The following LRCH2 variants were observed in gnomAD, a reference collection of about 807,000 sequenced individuals.
LRCH2 encodes leucine-rich repeat and calponin homology domain-containing protein 2.
LRCH2 carries 38 observed loss-of-function variants against 68.9 expected under a neutral mutation model. That is an observed-to-expected ratio of 0.55 (90% CI 0.43 to 0.72). The LOEUF is 0.72. LRCH2 is among the 30% of genes least tolerant of loss of function. The pLI is 0.00. For synonymous variants in LRCH2, 191 were observed against 208.1 expected (o/e 0.92, Z 0.71); for missense variants, 528 against 572.9 (o/e 0.92, Z 0.80).
At chrX:115,179,612 T>A in intron 4 of LRCH2, 34 bp downstream of exon 4, 32 of 1,103,499 alleles carry the variant, frequency 2.9e-5, no homozygotes, top group Non-Finnish European at 3.8e-5. Context: ...AGTTACTCTC[T>A]TATTCATGTG....
At position 115,170,321 on chromosome X, in the gene LRCH2, G is replaced by A; in HGVS notation, c.976C>T (p.Pro326Ser). 8.5e-7 allele frequency: 1 copy of A among 1,178,648 alleles called. No individual in the cohort carries two copies. Among genetic ancestry groups the A allele is most frequent in the Non-Finnish European group, 1.1e-6 (1 of 879,284 alleles). ...TACCTGTCTGTGAGAGGCTGTGAGG[G>A]CATTCGTTTACTCAATGATGGAAGA... ...LDLPSLSKRM[P>S]SQPLTDSMED... Residue 326 changes from proline to serine, a missense_variant, in exon 6 of 21, where the codon CCC becomes TCC. Physicochemically the swap from Pro to Ser is moderately conservative, Grantham distance 74. Coordinates refer to ENST00000317135, the MANE Select transcript of LRCH2 (RefSeq NM_020871.4).
At chrX:115,192,989 C>T (rs1193160606) in intron 1 of LRCH2, 4 of 217,249 alleles carry the variant, frequency 1.8e-5, no homozygotes, top group Non-Finnish European at 3.5e-5. Flanking sequence ...CATCTGCTCA[C>T]CTAAAATGGA....
At chrX:115,187,944 C>CA (rs1335750112) in intron 2 of LRCH2, among the ~76,000 whole-genome samples, 2 of 112,834 alleles carry the variant, frequency 1.8e-5, no homozygotes, top group Admixed American at 1.9e-4. Flanking sequence ...TGAGCATTGC[C>CA]AAGGGGCCTG....
chrX:115,210,674 A>C (rs2073000882), intron 1 of LRCH2, among the ~76,000 whole-genome samples: 1 of 111,057 alleles, frequency 9.0e-6, no homozygotes, highest in African/African-American at 3.3e-5. Flanking sequence ...TGGTAGATCC[A>C]CCGACAGCTT....
intron 1 of LRCH2, among the ~76,000 whole-genome samples, chrX:115,198,937 T>TA (rs782802815): frequency 3.8e-4 from 42 of 110,626 alleles, no homozygotes; most frequent in African/African-American, 9.9e-4. Context: ...AATGCTGAAA[T>TA]AAAAAAAACC....
intron 10 of LRCH2, 139 bp downstream of exon 10, chrX:115,165,266 G>A (rs2072548703): frequency 4.6e-6 from 2 of 438,167 alleles, no homozygotes; most frequent in East Asian, 7.9e-5. Context: ...CAGATGTGAA[G>A]TATTTATAAA....
intron 1 of LRCH2, among the ~76,000 whole-genome samples, chrX:115,215,896 G>A (rs1366701825): frequency 9.0e-6 from 1 of 111,363 alleles, no homozygotes; most frequent in Non-Finnish European, 1.9e-5. Context: ...AATACAAAAT[G>A]AGGTAACTTC....
rs782551346 is a variant in LRCH2, at chrX:115,185,915, G to C, written c.495-1378C>G. Among the ~76,000 whole-genome samples the C allele has an allele frequency of 2.7e-5, 3 of 111,756 alleles. No individual in the cohort carries two copies. In the South Asian group the frequency reaches 1.1e-3, roughly 42 times the overall value. On this transcript the variant is annotated intron_variant, in intron 2 of 20. Coordinates refer to ENST00000317135, the MANE Select transcript of LRCH2 (RefSeq NM_020871.4). Reference sequence around the variant, plus strand: ...TACTGAAAAAGGGGGGTAGTATATAGGAAGAGAGAAGAGTTGAAAAATTAT... The same window carrying C: ...TACTGAAAAAGGGGGGTAGTATATACGAAGAGAGAAGAGTTGAAAAATTAT...
intron 12 of LRCH2, among the ~76,000 whole-genome samples, chrX:115,153,440 G>A (rs2072449079): frequency 9.0e-6 from 1 of 111,274 alleles, no homozygotes; most frequent in African/African-American, 3.3e-5. Flanking sequence ...AGAAAGTGAT[G>A]CACATGTAAA....
chrX:115,135,122 CTTT>C (rs35620352), intron 14 of LRCH2, among the ~76,000 whole-genome samples: 9 of 88,225 alleles, frequency 1.0e-4, no homozygotes, highest in Admixed American at 2.4e-4. Context: ...TCTTTTCTTT[CTTT>C]TTTTTTTTTT....
At position 115,123,196 on chromosome X, in the gene LRCH2, T is replaced by C; in HGVS notation, c.1850-4A>G. On this transcript the variant is annotated splice_region_variant and splice_polypyrimidine_tract_variant and intron_variant, in intron 17 of 20. Transcript: ENST00000317135. Reference sequence around the variant, plus strand: ...TGGCGAGATGAGCGGCTAAAAGCTATAAAAACAGAAATTTCCTAACTTGTT... The same window carrying C: ...TGGCGAGATGAGCGGCTAAAAGCTACAAAAACAGAAATTTCCTAACTTGTT... 8.4e-7 allele frequency: 1 copy of C among 1,191,329 alleles called. No individual in the cohort carries two copies. The highest frequency in any genetic ancestry group is 1.8e-5 in the South Asian group (1 of 54,190).
At chrX:115,191,668 G>C in intron 1 of LRCH2, 2 of 1,162,227 alleles carry the variant, frequency 1.7e-6, no homozygotes, top group Non-Finnish European at 2.3e-6. Context: ...CCACTATGGA[G>C]GAGGAGGTCG....
chrX:115,224,807 GA>G (rs1325401427), intron 1 of LRCH2, among the ~76,000 whole-genome samples: 1 of 111,586 alleles, frequency 9.0e-6, no homozygotes, highest in Non-Finnish European at 1.9e-5. Flanking sequence ...ATTAAAAGCA[GA>G]AAAGGCATAC....
chrX:115,170,550 T>C, intron 5 of LRCH2, 118 bp from the exon 6 acceptor site: 1 of 690,955 alleles, frequency 1.4e-6, no homozygotes. Context: ...ATTGATACTT[T>C]GCATATTTAA....
intron 12 of LRCH2, 105 bp downstream of exon 12, chrX:115,156,497 A>G (rs1472255066): frequency 2.5e-5 from 11 of 433,751 alleles, no homozygotes; most frequent in Non-Finnish European, 3.7e-5. Context: ...GTTATATTAA[A>G]TCTGTATCAC....
intron 14 of LRCH2, among the ~76,000 whole-genome samples, chrX:115,137,320 G>A: frequency 9.1e-6 from 1 of 110,196 alleles, no homozygotes. Context: ...ATGGGAATGA[G>A]GGCATCCAAA....
intron 1 of LRCH2, chrX:115,192,713 A>G: frequency 9.6e-7 from 1 of 1,044,217 alleles, no homozygotes; most frequent in Non-Finnish European, 1.3e-6. Context: ...TTCTATGTTA[A>G]CTACCCAAGG....
intron 1 of LRCH2, among the ~76,000 whole-genome samples, chrX:115,201,496 A>G: frequency 8.9e-6 from 1 of 111,815 alleles, no homozygotes; most frequent in Middle Eastern, 4.7e-3. Context: ...CCCTCAACAA[A>G]CTAGGCATAG....
chrX:115,217,517 T>C (rs1172638456), intron 1 of LRCH2, among the ~76,000 whole-genome samples: 2 of 111,627 alleles, frequency 1.8e-5, no homozygotes, highest in South Asian at 3.8e-4. Flanking sequence ...CTGAGAATGA[T>C]GGTTTCCAGC....
Sources: allele counts gnomAD v4.1 joint callset (sites outside exome capture counted in the v4.1 genomes callset), GRCh38; gene constraint gnomAD v4.1.1; transcripts MANE v1.5; gene names NCBI Gene and HGNC (gene_info 2026-07-23, HGNC 2026-07-21).